The following SCD5 variants were observed in gnomAD, a reference collection of about 807,000 sequenced individuals.
SCD5 encodes stearoyl-CoA desaturase 5.
A neutral mutation model predicts 30.4 loss-of-function variants in SCD5; 20 were observed. That is an observed-to-expected ratio of 0.66 (90% confidence interval 0.46 to 0.96). SCD5 has a LOEUF of 0.96. Among genes scored for constraint, SCD5 ranks in the 40% least tolerant of loss-of-function variants. The pLI is 0.00. For synonymous variants in SCD5, 173 were observed against 176.4 expected (o/e 0.98, Z 0.16); for missense variants, 381 against 443.3 (o/e 0.86, Z 1.26).
intron 1 of SCD5, among the ~76,000 whole-genome samples, chr4:82,723,429 C>A (rs1166383702): frequency 2.0e-5 from 3 of 152,062 alleles, no homozygotes; most frequent in Non-Finnish European, 4.4e-5. Context: ...TTCTTGTATA[C>A]CTAAGAAGAA....
chr4:82,637,268 ATT>A (rs750345930), intron 3 of SCD5, among the ~76,000 whole-genome samples: 1 of 152,220 alleles, frequency 6.6e-6, no homozygotes, highest in Non-Finnish European at 1.5e-5. Context: ...TAGGTACACA[ATT>A]CTGTACTAAC....
At chr4:82,660,908 G>T in intron 3 of SCD5, 1 of 1,614,088 alleles carries the variant, frequency 6.2e-7, no homozygotes, top group East Asian at 2.2e-5. Context: ...GAAAGAGCAC[G>T]CAGCATCAAG....
At chr4:82,794,654 T>C (rs1467440907) in intron 1 of SCD5, among the ~76,000 whole-genome samples, 1 of 151,536 alleles carries the variant, frequency 6.6e-6, no homozygotes, top group Non-Finnish European at 1.5e-5. Flanking sequence ...CTGTCCATTT[T>C]TTTTTTTTTT....
In SCD5 at chr4:82,679,222, A is replaced by AAAAAGAG. The variant is rs1728503372; in HGVS notation, c.569+1484_569+1485insCTCTTTT. ...TCCAAAAAAAAAAAAAAAGAAAGAA[A>AAAAAGAG]AGAAAGAAAGAAAGAAAGAAAGAAA... is the stretch of plus-strand genomic sequence containing the variant. On this transcript the variant is annotated intron_variant, in intron 3 of 4. Transcript: ENST00000319540. Among the ~76,000 whole-genome samples, 2 of 91,490 alleles carry AAAAAGAG rather than the reference A, an allele frequency of 2.2e-5. 1 individual carries two copies. The highest frequency in any genetic ancestry group is 4.3e-5 in the Non-Finnish European group (2 of 46,604). The allele number at this position is 91,490 out of a possible 152,430, so 60.0% of individuals were successfully genotyped here. A position where few individuals can be genotyped will look rare whatever the true frequency, so the allele number is the denominator to read the frequency against.
intron 3 of SCD5, among the ~76,000 whole-genome samples, chr4:82,674,895 T>C (rs1728404626): frequency 6.6e-6 from 1 of 152,166 alleles, no homozygotes; most frequent in South Asian, 2.1e-4. Flanking sequence ...ACAGTATGAT[T>C]CTAACTATAC....
At chr4:82,633,980 AC>A (rs1050485941) in intron 4 of SCD5, among the ~76,000 whole-genome samples, 25 of 152,142 alleles carry the variant, frequency 1.6e-4, no homozygotes, top group African/African-American at 6.0e-4. Context: ...TATTTCAGAC[AC>A]TTCATAAAAA....
chr4:82,634,721 C>T (rs17005923), intron 4 of SCD5, among the ~76,000 whole-genome samples: 34,250 of 152,028 alleles, frequency 0.23, 4,232 homozygotes, highest in East Asian at 0.36. Flanking sequence ...GGCCATACTG[C>T]TTGAGTTTCC....
intron 1 of SCD5, among the ~76,000 whole-genome samples, chr4:82,720,309 T>A (rs1012104547): frequency 1.3e-5 from 2 of 151,536 alleles, no homozygotes; most frequent in African/African-American, 4.9e-5. Context: ...GATGTACGCC[T>A]GTAGTCCCAG....
Position 82,700,802 on chromosome 4 carries a change from A to C in SCD5, c.363+4481T>G, listed in dbSNP as rs1719817091. Among the ~76,000 whole-genome samples, 3 of 63,976 alleles carry C rather than the reference A, an allele frequency of 4.7e-5. 1 individual carries two copies. The highest frequency in any genetic ancestry group is 4.3e-4 in the African/African-American group (3 of 6,948). The allele number at this position is 63,976 out of a possible 152,430, so 42.0% of individuals were successfully genotyped here. A position where few individuals can be genotyped will look rare whatever the true frequency, so the allele number is the denominator to read the frequency against. ...ACCCTGTCTCTAAAAAAAAAAAAAA[A>C]AAAAAAAAAAAAAAAAAAAAAAAGA... On this transcript the variant is annotated intron_variant, in intron 2 of 4. Transcript: ENST00000319540.
At chr4:82,741,246 C>T (rs973632433) in intron 1 of SCD5, among the ~76,000 whole-genome samples, 1 of 152,080 alleles carries the variant, frequency 6.6e-6, no homozygotes, top group Non-Finnish European at 1.5e-5. Context: ...CCTCTTTTCC[C>T]ACTTCTTATA....
At chr4:82,689,502 A>C (rs1394690038) in intron 2 of SCD5, among the ~76,000 whole-genome samples, 1 of 152,244 alleles carries the variant, frequency 6.6e-6, no homozygotes, top group African/African-American at 2.4e-5. Context: ...GTAATCAAAA[A>C]ACAGTCCATG....
chr4:82,723,533 A>G lies in SCD5; in HGVS notation c.233-18120T>C, dbSNP rs528961297. 1.8e-4 allele frequency among the ~76,000 whole-genome samples: 27 copies of G among 152,344 alleles called. 2 individuals are homozygous for G. Among genetic ancestry groups the G allele is most frequent in the African/African-American group, 6.5e-4 (27 of 41,576 alleles). On this transcript the variant is annotated intron_variant, in intron 1 of 4. Transcript: ENST00000319540. ...CTTGTTCAGTTTTGTCGATTACCATAAGATGCGCTGATTATTTGCTTTCTG... is the reference window on the plus strand; with the variant it reads ...CTTGTTCAGTTTTGTCGATTACCATGAGATGCGCTGATTATTTGCTTTCTG...
At chr4:82,745,304 T>C (rs755484344) in intron 1 of SCD5, among the ~76,000 whole-genome samples, 2 of 152,178 alleles carry the variant, frequency 1.3e-5, no homozygotes, top group Non-Finnish European at 2.9e-5. Context: ...TTCTAATTCA[T>C]GGGGAGACTC....
At chr4:82,678,215 C>T (rs2148820595) in intron 3 of SCD5, among the ~76,000 whole-genome samples, 1 of 152,258 alleles carries the variant, frequency 6.6e-6, no homozygotes, top group East Asian at 1.9e-4. Context: ...TTTCTGATAG[C>T]CACAGCCTCC....
intron 3 of SCD5, chr4:82,661,164 G>A (rs1727996626): frequency 8.5e-7 from 1 of 1,173,816 alleles, no homozygotes; most frequent in Non-Finnish European, 1.3e-6. Flanking sequence ...TGTAGAAATT[G>A]TGTCAATAAC....
intron 1 of SCD5, among the ~76,000 whole-genome samples, chr4:82,784,759 T>C (rs372233774): frequency 2.5e-4 from 38 of 152,308 alleles, no homozygotes; most frequent in African/African-American, 7.5e-4. Flanking sequence ...ATACGGATTA[T>C]GTAAGAAGAG....
intron 1 of SCD5, among the ~76,000 whole-genome samples, chr4:82,781,971 C>G (rs985113049): frequency 6.6e-6 from 1 of 152,072 alleles, no homozygotes; most frequent in African/African-American, 2.4e-5. Context: ...CCACTGTTGA[C>G]AGGATGCAGG....
chr4:82,646,283 C>T (rs992109063), intron 3 of SCD5, among the ~76,000 whole-genome samples: 1 of 152,170 alleles, frequency 6.6e-6, no homozygotes, highest in Admixed American at 6.5e-5. Context: ...GCTTAGTAAA[C>T]ACTTATTTAG....
At chr4:82,756,996 GC>G (rs1721248055) in intron 1 of SCD5, among the ~76,000 whole-genome samples, 1 of 152,094 alleles carries the variant, frequency 6.6e-6, no homozygotes, top group Non-Finnish European at 1.5e-5. Flanking sequence ...CTCTCAAAGT[GC>G]TGGGATTATA....
Sources: allele counts gnomAD v4.1 joint callset (sites outside exome capture counted in the v4.1 genomes callset), GRCh38; gene constraint gnomAD v4.1.1; transcripts MANE v1.5; gene names NCBI Gene and HGNC (gene_info 2026-07-23, HGNC 2026-07-21).